The following L3MBTL4 variants were observed in gnomAD, a reference collection of about 807,000 sequenced individuals.
L3MBTL4 encodes the protein lethal(3)malignant brain tumor-like protein 4.
L3MBTL4 carries 70 observed loss-of-function variants against 84.5 expected under a neutral mutation model. The ratio of observed to expected loss-of-function variants is 0.83; its 90% CI spans 0.68 to 1.01. The LOEUF is 1.01. L3MBTL4 is among the 50% of genes least tolerant of loss of function. The probability of loss-of-function intolerance (pLI) is 0.00; values close to 1 mark genes in which losing one functional copy is unlikely to be tolerated. For missense variants in L3MBTL4, 715 were observed against 754.8 expected (o/e 0.95, Z 0.62); for synonymous variants, 274 against 259.8 (o/e 1.05, Z -0.52).
intron 16 of L3MBTL4, among the ~76,000 whole-genome samples, chr18:5,996,972 G>A (rs1025759597): frequency 2.6e-5 from 4 of 152,182 alleles, no homozygotes; most frequent in Admixed American, 2.6e-4. Flanking sequence ...GACTAACTCA[G>A]GAGGGGTGCA....
In L3MBTL4 at chr18:6,133,937, G is replaced by A. The variant is rs542566484; in HGVS notation, c.1199+4257C>T. Among the ~76,000 whole-genome samples the A allele has an allele frequency of 4.6e-5, 7 of 152,230 alleles. No individual in the cohort carries two copies. The East Asian group carries it at 5.8e-4, about 13-fold the overall frequency. On this transcript the variant is annotated intron_variant, in intron 14 of 18. Coordinates refer to ENST00000317931, the MANE Select transcript of L3MBTL4 (RefSeq NM_001330559.2). The stretch of plus-strand genomic sequence containing the variant: ...AGGGAAAAATGCCTCAAATGAGCAC[G>A]TACACAATCTTCAGTAAACACATTG...
At chr18:6,192,644 A>G (rs1274650430) in intron 12 of L3MBTL4, among the ~76,000 whole-genome samples, 1 of 152,172 alleles carries the variant, frequency 6.6e-6, no homozygotes, top group Non-Finnish European at 1.5e-5. Flanking sequence ...GTTATCTAGG[A>G]GAATGGGAGA....
At chr18:6,300,199 C>T (rs2050277513) in intron 4 of L3MBTL4, among the ~76,000 whole-genome samples, 1 of 152,134 alleles carries the variant, frequency 6.6e-6, no homozygotes, top group Non-Finnish European at 1.5e-5. Context: ...AAATTAGTTC[C>T]TTTGTCCTAC....
intron 12 of L3MBTL4, among the ~76,000 whole-genome samples, chr18:6,205,597 G>A (rs1181708057): frequency 1.3e-5 from 2 of 152,102 alleles, no homozygotes; most frequent in Non-Finnish European, 2.9e-5. Context: ...TATTAATCTT[G>A]TATAAAAATC....
intron 16 of L3MBTL4, among the ~76,000 whole-genome samples, chr18:6,052,942 A>C (rs1280100079): frequency 6.6e-6 from 1 of 152,214 alleles, no homozygotes; most frequent in Non-Finnish European, 1.5e-5. Context: ...AGAAACATTC[A>C]CAATTCAGAG....
intron 15 of L3MBTL4, 49 bp from the exon 16 acceptor site, chr18:6,081,000 G>C (rs753805140): frequency 2.6e-5 from 37 of 1,400,732 alleles, no homozygotes; most frequent in Non-Finnish European, 2.0e-6. Context: ...CTGTGAGGTA[G>C]GAAGAAATCA....
chr18:6,137,179 G>C (rs1433750622), intron 14 of L3MBTL4, among the ~76,000 whole-genome samples: 1 of 152,108 alleles, frequency 6.6e-6, no homozygotes, highest in African/African-American at 2.4e-5. Context: ...ATCTCCTCCG[G>C]GTCCAGCTCC....
intron 13 of L3MBTL4, among the ~76,000 whole-genome samples, chr18:6,152,646 A>G (rs2042946956): frequency 1.3e-5 from 2 of 152,148 alleles, no homozygotes; most frequent in South Asian, 4.1e-4. Context: ...ATACATGGAG[A>G]TAACCCTTTA....
chr18:6,311,527 G>A (rs570829717), intron 3 of L3MBTL4, 27 bp downstream of exon 3: 7 of 1,595,696 alleles, frequency 4.4e-6, no homozygotes, highest in Non-Finnish European at 6.0e-6. Flanking sequence ...CACACTGTGA[G>A]GAAGGGTCCA....
chr18:6,356,788 A>G (rs921665902), intron 1 of L3MBTL4: 43 of 152,316 alleles, frequency 2.8e-4, no homozygotes, highest in African/African-American at 9.6e-4. Flanking sequence ...TGTAGACTTT[A>G]TGAACACTGT....
chr18:6,260,093 T>C (rs2048330744), intron 5 of L3MBTL4: 1 of 152,248 alleles, frequency 6.6e-6, no homozygotes, highest in South Asian at 2.1e-4. Context: ...AAAGATAAGA[T>C]GGCTGTACAT....
At chr18:6,229,743 C>T (rs75497831) in intron 10 of L3MBTL4, among the ~76,000 whole-genome samples, 11,625 of 152,196 alleles carry the variant, frequency 0.076, 1,494 homozygotes, top group African/African-American at 0.26. Flanking sequence ...CTTTTCCCCA[C>T]TGAATAGTCT....
At chr18:6,156,125 C>G (rs2043093341) in intron 13 of L3MBTL4, among the ~76,000 whole-genome samples, 1 of 152,114 alleles carries the variant, frequency 6.6e-6, no homozygotes, top group African/African-American at 2.4e-5. Flanking sequence ...GAAAAAGCAT[C>G]TTTAAGAGGA....
At chr18:6,361,550 GAGGCTAGATTGTAACACAC>G (rs987477897) in intron 1 of L3MBTL4, among the ~76,000 whole-genome samples, 48 of 152,266 alleles carry the variant, frequency 3.2e-4, no homozygotes, top group African/African-American at 1.1e-3. Context: ...CCTTCTCTGA[GAGGCTAGATTGTAACACAC>G]AGGCTGGAAA....
At chr18:6,318,712 A>T (rs944197370) in intron 1 of L3MBTL4, among the ~76,000 whole-genome samples, 1 of 152,008 alleles carries the variant, frequency 6.6e-6, no homozygotes, top group African/African-American at 2.4e-5. Context: ...TGACAGCACT[A>T]GACAGCTCAT....
chr18:6,031,988 T>C lies in L3MBTL4; in HGVS notation c.1444+48893A>G, dbSNP rs77701560. ...TCCACCATTTTTTCTTTCTTTCTTT[T>C]TTTTTTTGAGACGGAGTCTTGCTCT... On this transcript the variant is annotated intron_variant, in intron 16 of 18. Transcript: ENST00000317931. The C allele has an allele frequency of 1.3e-3, 533 of 395,138 alleles. 3 individuals carry two copies. Among genetic ancestry groups the C allele is most frequent in the African/African-American group, 9.9e-3 (454 of 45,752 alleles). 24.5% of individuals were successfully genotyped at this position (395,138 alleles called of 1,614,324 possible).
intron 16 of L3MBTL4, among the ~76,000 whole-genome samples, chr18:6,009,439 C>A (rs905664579): frequency 6.6e-6 from 1 of 152,172 alleles, no homozygotes; most frequent in African/African-American, 2.4e-5. Flanking sequence ...TAACTCGACA[C>A]ATTACAATGC....
intron 14 of L3MBTL4, among the ~76,000 whole-genome samples, chr18:6,136,190 T>C (rs945087520): frequency 6.6e-6 from 1 of 152,180 alleles, no homozygotes; most frequent in Non-Finnish European, 1.5e-5. Context: ...CATGTGGGAA[T>C]TTTGGGAGAT....
chr18:6,035,703 G>T (rs1190473988), intron 16 of L3MBTL4, among the ~76,000 whole-genome samples: 6 of 151,056 alleles, frequency 4.0e-5, no homozygotes, highest in African/African-American at 7.3e-5. Flanking sequence ...TTGGTAGCTT[G>T]ATGGGGATGG....
Sources: allele counts gnomAD v4.1 joint callset (sites outside exome capture counted in the v4.1 genomes callset), GRCh38; gene constraint gnomAD v4.1.1; transcripts MANE v1.5; gene names NCBI Gene and HGNC (gene_info 2026-07-23, HGNC 2026-07-21).